The following ARHGAP39 variants were observed in gnomAD, a reference collection of about 807,000 sequenced individuals.
The protein encoded by ARHGAP39 is rho GTPase-activating protein 39.
A neutral mutation model predicts 106.9 loss-of-function variants in ARHGAP39; 44 were observed. The ratio of observed to expected loss-of-function variants is 0.41; its 90% CI spans 0.32 to 0.53. The LOEUF (loss-of-function observed/expected upper bound fraction) is 0.53, where lower values mean the gene tolerates loss of function less well. ARHGAP39 is among the 20% of genes least tolerant of loss of function. The pLI, the probability that ARHGAP39 is intolerant of heterozygous loss-of-function variation, is 0.21. For synonymous variants in ARHGAP39, 768 were observed against 693.2 expected, an observed-to-expected ratio of 1.11 and a Z score of -1.69; for missense variants, 1,496 against 1,577.3, an observed-to-expected ratio of 0.95 and a Z score of 0.87.
intron 3 of ARHGAP39, among the ~76,000 whole-genome samples, chr8:144,569,328 G>A (rs1249576982): frequency 6.6e-6 from 1 of 152,170 alleles, no homozygotes; most frequent in African/African-American, 2.4e-5. Context: ...AAAAATGTAT[G>A]TCCAAACAAA....
chr8:144,661,001 T>C (rs1821807889), intron 1 of ARHGAP39, among the ~76,000 whole-genome samples: 1 of 150,686 alleles, frequency 6.6e-6, no homozygotes, highest in African/African-American at 2.4e-5. Flanking sequence ...AAAATAGGCA[T>C]GGTGGCACAC....
intron 6 of ARHGAP39, among the ~76,000 whole-genome samples, chr8:144,540,040 T>A (rs2130828554): frequency 6.6e-6 from 1 of 152,360 alleles, no homozygotes; most frequent in Middle Eastern, 3.4e-3. Context: ...TCCGTCTACT[T>A]TACTGCTTTA....
At chr8:144,686,996 G>A (rs1159186417), upstream of ARHGAP39, among the ~76,000 whole-genome samples, 9 of 86,740 alleles carry the variant, frequency 1.0e-4, no homozygotes, top group Admixed American at 3.2e-4. Flanking sequence ...CCACACACTG[G>A]CGGCGACCAT....
chr8:144,692,167 C>G, the ARHGAP39 span, among the ~76,000 whole-genome samples: 25 of 152,110 alleles, frequency 1.6e-4, no homozygotes, highest in Admixed American at 1.5e-3. Context: ...CCACCACTTC[C>G]CTCTTTCTCT....
chr8:144,614,665 T>C (rs1439018113), intron 1 of ARHGAP39, among the ~76,000 whole-genome samples: 1 of 152,196 alleles, frequency 6.6e-6, no homozygotes, highest in Non-Finnish European at 1.5e-5. Context: ...TTACTATTCT[T>C]GAGCTTTGTT....
At chr8:144,595,623 C>G (rs550289428) in intron 2 of ARHGAP39, among the ~76,000 whole-genome samples, 55 of 152,352 alleles carry the variant, frequency 3.6e-4, no homozygotes, top group African/African-American at 1.3e-3. Context: ...TCGGGCTGCC[C>G]TCAGCCAAGA....
chr8:144,621,805 A>G (rs1363848252), intron 1 of ARHGAP39, among the ~76,000 whole-genome samples: 3 of 152,138 alleles, frequency 2.0e-5, no homozygotes, highest in Non-Finnish European at 4.4e-5. Context: ...GGGCGACAGG[A>G]GTGAGACCCT....
chr8:144,656,162 TG>T (rs1821687184), intron 1 of ARHGAP39, among the ~76,000 whole-genome samples: 1 of 139,418 alleles, frequency 7.2e-6, no homozygotes, highest in Admixed American at 7.3e-5. Context: ...ATATGTAAAA[TG>T]TAATAAAGAG....
At chr8:144,599,717 G>GA (rs1475330146) in intron 2 of ARHGAP39, among the ~76,000 whole-genome samples, 4 of 152,160 alleles carry the variant, frequency 2.6e-5, no homozygotes, top group African/African-American at 9.7e-5. Flanking sequence ...CCATAATGAA[G>GA]AAAAGAGAAA....
At chr8:144,619,737 T>C (rs1205622373) in intron 1 of ARHGAP39, among the ~76,000 whole-genome samples, 8 of 151,146 alleles carry the variant, frequency 5.3e-5, no homozygotes, top group Middle Eastern at 3.2e-3. Context: ...CGTGTGCGTG[T>C]GAGCCTGTGT....
chr8:144,655,031 G>T (rs1047556589), intron 1 of ARHGAP39, among the ~76,000 whole-genome samples: 3 of 152,212 alleles, frequency 2.0e-5, no homozygotes, highest in Non-Finnish European at 4.4e-5. Context: ...CAGTCCCACT[G>T]CCTGGCTTCT....
intron 1 of ARHGAP39, among the ~76,000 whole-genome samples, chr8:144,674,772 C>T (rs370277424): frequency 1.5e-4 from 23 of 152,316 alleles, no homozygotes; most frequent in Admixed American, 3.9e-4. Context: ...GCTCGCTCGT[C>T]GGCACCCAAA....
At chr8:144,568,173 A>T (rs1818468557) in intron 3 of ARHGAP39, among the ~76,000 whole-genome samples, 1 of 151,870 alleles carries the variant, frequency 6.6e-6, no homozygotes, top group African/African-American at 2.4e-5. Flanking sequence ...CTTTGCCAAA[A>T]AAATACAAAA....
chr8:144,684,358 C>A lies in ARHGAP39; in HGVS notation c.-82+1328G>T, dbSNP rs1417498051. 6.6e-6 allele frequency among the ~76,000 whole-genome samples: 1 copy of A among 152,256 alleles called. No homozygotes were observed. The highest frequency in any genetic ancestry group is 2.4e-5 in the African/African-American group (1 of 41,466). On this transcript the variant is annotated intron_variant, in intron 1 of 11. Transcript: ENST00000377307. The surrounding 1 kb of genome is among the most constrained non-coding windows in gnomAD (Gnocchi z 4.4). ...TGTGGATCGGGCGCCGCCGACGGAA[C>A]CACCTGCTGTCTATAGAGGGCACCT...
intron 1 of ARHGAP39, among the ~76,000 whole-genome samples, chr8:144,643,180 G>A (rs1207295189): frequency 6.6e-6 from 1 of 152,114 alleles, no homozygotes; most frequent in African/African-American, 2.4e-5. Flanking sequence ...ACCGTATTAA[G>A]AGATGGTGTG....
chr8:144,654,685 C>T (rs1037778587), intron 1 of ARHGAP39, among the ~76,000 whole-genome samples: 2 of 151,786 alleles, frequency 1.3e-5, no homozygotes, highest in African/African-American at 4.8e-5. Context: ...GAAGCTCCCC[C>T]TCATGCTGCT....
chr8:144,658,322 T>C (rs1405593245), intron 1 of ARHGAP39, among the ~76,000 whole-genome samples: 2 of 151,938 alleles, frequency 1.3e-5, no homozygotes, highest in Non-Finnish European at 2.9e-5. Context: ...TTGCCCTGGC[T>C]GCAGTGCAAT....
At position 144,547,459 on chromosome 8, in the gene ARHGAP39, C is replaced by G; in HGVS notation, c.1627G>C (p.Ala543Pro). 2 of 1,559,850 alleles carry G rather than the reference C, an allele frequency of 1.3e-6. No individual in the cohort carries two copies. Among genetic ancestry groups the G allele is most frequent in the Middle Eastern group, 1.8e-4 (1 of 5,680 alleles). The change falls in exon 5 of 12, where the codon GCC (alanine) becomes CCC (proline). Residue 543 changes from alanine (A) to proline (P), a missense_variant. By Grantham distance (27) the Ala-to-Pro change is conservative (BLOSUM62 -1). Transcript: ENST00000377307. This position sits in a 1 kb window ranked among gnomAD's most constrained non-coding sequence, Gnocchi z 5.2. ...LAPVKRAEGEAEGARGAAEPF... is the reference protein window; with the variant it reads ...LAPVKRAEGEPEGARGAAEPF... ...TCGGCCGCGCCCCGCGCCCCTTCGG[C>G]CTCACCTTCCGCTCGCTTCACGGGG...
intron 4 of ARHGAP39, among the ~76,000 whole-genome samples, chr8:144,554,543 T>C (rs1817843197): frequency 1.3e-5 from 2 of 152,142 alleles, no homozygotes; most frequent in African/African-American, 4.8e-5. Flanking sequence ...TGCAGTCGCG[T>C]TGGTCCACTA....
Sources: gnomAD v4.1 joint callset for allele counts (sites outside exome capture counted in the v4.1 genomes callset) on GRCh38, gnomAD v4.1.1 for gene constraint, Gnocchi (gnomAD v3.1) non-coding constraint, MANE v1.5 for transcripts, NCBI Gene and HGNC (gene_info 2026-07-23, HGNC 2026-07-21) for gene names.